The following NEGR1 variants were observed in gnomAD, a reference collection of about 807,000 sequenced individuals.
NEGR1 encodes neuronal growth regulator 1, also known as IgLON family member 4.
A neutral mutation model predicts 40.9 loss-of-function variants in NEGR1; 10 were observed. The ratio of observed to expected loss-of-function variants is 0.24; its 90% CI spans 0.15 to 0.42. The LOEUF is 0.42. Among genes scored for constraint, NEGR1 ranks in the 10% least tolerant of loss-of-function variants. The pLI is 1.00. For missense variants in NEGR1, 352 were observed against 438.9 expected (o/e 0.80, Z 1.77); for synonymous variants, 185 against 166.8 (o/e 1.11, Z -0.84).
At chr1:71,862,659 T>G (rs1659984775) in intron 2 of NEGR1, among the ~76,000 whole-genome samples, 1 of 152,054 alleles carries the variant, frequency 6.6e-6, no homozygotes, top group South Asian at 2.1e-4. Context: ...GAGTATATAT[T>G]TTCTAGTGCA....
At chr1:71,510,568 G>T (rs1451981789) in intron 6 of NEGR1, among the ~76,000 whole-genome samples, 1 of 152,146 alleles carries the variant, frequency 6.6e-6, no homozygotes, top group East Asian at 1.9e-4. Flanking sequence ...AAAGGGAAAA[G>T]TTTCATTATT....
intron 1 of NEGR1, among the ~76,000 whole-genome samples, chr1:72,114,463 G>C (rs1473635601): frequency 6.6e-6 from 1 of 151,636 alleles, no homozygotes; most frequent in Admixed American, 6.6e-5. Flanking sequence ...AGATAGGATA[G>C]ATGATAATGA....
intron 3 of NEGR1, among the ~76,000 whole-genome samples, chr1:71,734,248 G>C (rs779971925): frequency 6.6e-6 from 1 of 152,188 alleles, no homozygotes; most frequent in Non-Finnish European, 1.5e-5. Context: ...TTTGTTTATA[G>C]AGCTGGTTGG....
At chr1:71,407,609 T>A in intron 6 of NEGR1, 39 bp from the exon 7 acceptor site, 1 of 1,604,818 alleles carries the variant, frequency 6.2e-7, no homozygotes, top group Non-Finnish European at 8.5e-7. Context: ...AAATCTAATT[T>A]GTGTCTTCCA....
At chr1:72,135,851 T>A (rs1343543039) in intron 1 of NEGR1, among the ~76,000 whole-genome samples, 2 of 152,200 alleles carry the variant, frequency 1.3e-5, no homozygotes, top group East Asian at 3.8e-4. Flanking sequence ...GAGTGACTAC[T>A]TTTAGTAGCT....
chr1:72,216,020 A>G (rs1231377764), intron 1 of NEGR1, among the ~76,000 whole-genome samples: 1 of 152,026 alleles, frequency 6.6e-6, no homozygotes, highest in Non-Finnish European at 1.5e-5. Context: ...ACTGAATACT[A>G]TGCAGTTATA....
At chr1:71,552,474 C>A (rs1030182981) in intron 6 of NEGR1, among the ~76,000 whole-genome samples, 5 of 147,872 alleles carry the variant, frequency 3.4e-5, no homozygotes, top group African/African-American at 1.2e-4. Flanking sequence ...AGACCACAGC[C>A]AAGACTATAA....
chr1:71,455,235 AC>A (rs1482809657), intron 6 of NEGR1, among the ~76,000 whole-genome samples: 1 of 151,956 alleles, frequency 6.6e-6, no homozygotes, highest in Non-Finnish European at 1.5e-5. Context: ...AGATTAAAAA[AC>A]CCTGCCCTTG....
chr1:71,935,737 T>A (rs1199405776), intron 1 of NEGR1, among the ~76,000 whole-genome samples: 1 of 152,164 alleles, frequency 6.6e-6, no homozygotes, highest in Non-Finnish European at 1.5e-5. Flanking sequence ...TGATACTGAA[T>A]ATAATGTACC....
chr1:71,903,453 T>G (rs560764935), intron 2 of NEGR1, among the ~76,000 whole-genome samples: 1 of 152,116 alleles, frequency 6.6e-6, no homozygotes, highest in African/African-American at 2.4e-5. Context: ...TATGTAATGA[T>G]AGTATTTTAA....
intron 1 of NEGR1, among the ~76,000 whole-genome samples, chr1:72,085,366 A>C (rs1182875242): frequency 6.6e-6 from 1 of 152,168 alleles, no homozygotes. Context: ...CAGAGTTAAT[A>C]TTGTTGTCCC....
chr1:71,628,658 TG>T (rs1296142396), intron 4 of NEGR1, among the ~76,000 whole-genome samples: 1 of 151,780 alleles, frequency 6.6e-6, no homozygotes, highest in Non-Finnish European at 1.5e-5. Context: ...AGTGAGAACA[TG>T]TGGTGTTAGG....
At chr1:72,144,076 T>G (rs191067116) in intron 1 of NEGR1, among the ~76,000 whole-genome samples, 1 of 38 alleles carries the variant, frequency 0.026, no homozygotes. Flanking sequence ...TGAGGTAAGA[T>G]TTTTTTTTTA....
At chr1:71,974,809 G>A (rs541674557) in intron 1 of NEGR1, among the ~76,000 whole-genome samples, 1 of 152,060 alleles carries the variant, frequency 6.6e-6, no homozygotes, top group Non-Finnish European at 1.5e-5. Context: ...GGTGATCTTT[G>A]AAAAGATGTA....
In NEGR1 at chr1:71,820,784, C is replaced by T. The variant is rs148358305; in HGVS notation, c.410-44487G>A. 3.3e-5 allele frequency among the ~76,000 whole-genome samples: 5 copies of T among 152,086 alleles called. No individual in the cohort carries two copies. In the East Asian group the frequency reaches 9.7e-4, roughly 30 times the overall value. ...TTCAACAAAGATAGCGAATCAAAATCACTATTTAATCCTGGGAGTGGGAGA... is the reference window on the plus strand; with the variant it reads ...TTCAACAAAGATAGCGAATCAAAATTACTATTTAATCCTGGGAGTGGGAGA... On this transcript the variant is annotated intron_variant, in intron 2 of 6. Transcript: ENST00000357731.
intron 1 of NEGR1, among the ~76,000 whole-genome samples, chr1:72,019,763 T>C (rs1470696294): frequency 2.0e-5 from 3 of 152,246 alleles, no homozygotes; most frequent in South Asian, 2.1e-4. Flanking sequence ...TTTCAAACTA[T>C]GCATTTTAAC....
chr1:71,458,530 T>A (rs2101340058), intron 6 of NEGR1, among the ~76,000 whole-genome samples: 2 of 152,344 alleles, frequency 1.3e-5, no homozygotes, highest in South Asian at 4.1e-4. Flanking sequence ...TCTGTATAAT[T>A]TCATTTAGAT....
At chr1:71,901,327 T>C (rs755275802) in intron 2 of NEGR1, among the ~76,000 whole-genome samples, 6 of 152,236 alleles carry the variant, frequency 3.9e-5, no homozygotes, top group Non-Finnish European at 8.8e-5. Context: ...TAACTATTTC[T>C]GGCACATTCG....
chr1:72,058,794 TC>T, intron 1 of NEGR1, among the ~76,000 whole-genome samples: 1 of 151,812 alleles, frequency 6.6e-6, no homozygotes, highest in South Asian at 2.1e-4. Context: ...GCCTAATTCC[TC>T]CCCTTGAAAT....
Sources: gnomAD v4.1 joint callset for allele counts (sites outside exome capture counted in the v4.1 genomes callset) on GRCh38, gnomAD v4.1.1 for gene constraint, MANE v1.5 for transcripts, NCBI Gene and HGNC (gene_info 2026-07-23, HGNC 2026-07-21) for gene names.